The following KAT6B variants were observed in gnomAD, a reference collection of about 807,000 sequenced individuals.
KAT6B encodes the protein histone acetyltransferase KAT6B.
Under a neutral mutation model 187.5 loss-of-function variants are expected in KAT6B, and 10 were observed. The observed-to-expected ratio is 0.05, with a 90% CI of 0.03 to 0.09. The LOEUF is 0.09. Ranked by LOEUF, KAT6B falls within the 10% of genes least tolerant of loss-of-function variation. KAT6B has a pLI of 1.00. For missense variants in KAT6B, 1,952 were observed against 2,558.9 expected (o/e 0.76, Z 5.12); for synonymous variants, 861 against 926.8 (o/e 0.93, Z 1.29).
intron 3 of KAT6B, among the ~76,000 whole-genome samples, chr10:74,882,158 C>G (rs1003129355): frequency 2.6e-5 from 4 of 152,186 alleles, no homozygotes; most frequent in Non-Finnish European, 4.4e-5. Context: ...AAAGCTCTGC[C>G]CCTTCTTCAA....
At chr10:74,857,164 A>G (rs1379704053) in intron 3 of KAT6B, among the ~76,000 whole-genome samples, 1 of 152,222 alleles carries the variant, frequency 6.6e-6, no homozygotes, top group East Asian at 1.9e-4. Flanking sequence ...TGCTGCTGTA[A>G]CAAATTACAG....
chr10:74,992,394 A>C (rs1001767240), intron 13 of KAT6B, among the ~76,000 whole-genome samples: 4 of 152,204 alleles, frequency 2.6e-5, no homozygotes, highest in Non-Finnish European at 4.4e-5. Flanking sequence ...TAATACACCT[A>C]ATCTACCAAC....
chr10:75,006,211 A>G (rs1287561176), intron 13 of KAT6B, among the ~76,000 whole-genome samples: 2 of 152,128 alleles, frequency 1.3e-5, no homozygotes, highest in African/African-American at 2.4e-5. Context: ...GGTTCTGACC[A>G]GACAATAAAT....
intron 3 of KAT6B, among the ~76,000 whole-genome samples, chr10:74,952,846 A>ATTTTTTTTTTTTTTTTTTTTTTTT: frequency 1.1e-5 from 1 of 90,520 alleles, no homozygotes; most frequent in Non-Finnish European, 2.1e-5. Context: ...TGCCTGGCTA[A>ATTTTTTTTTTTTTTTTTTTTTTTT]TTTTTTTTTT....
At chr10:74,877,400 A>T (rs1306276193) in intron 3 of KAT6B, among the ~76,000 whole-genome samples, 4 of 152,200 alleles carry the variant, frequency 2.6e-5, no homozygotes, top group Non-Finnish European at 5.9e-5. Context: ...CTTTTTTTCA[A>T]GGCTTTACTG....
At chr10:74,840,361 G>T (rs1163930924) in intron 2 of KAT6B, among the ~76,000 whole-genome samples, 2 of 152,192 alleles carry the variant, frequency 1.3e-5, no homozygotes, top group Non-Finnish European at 2.9e-5. Context: ...ATGGGGTTTT[G>T]TCGTTAGTGG....
chr10:74,870,664 C>T (rs561700608), intron 3 of KAT6B, among the ~76,000 whole-genome samples: 11 of 152,156 alleles, frequency 7.2e-5, no homozygotes, highest in South Asian at 4.1e-4. Flanking sequence ...TTGCAGCCTC[C>T]GCCTCCTGGG....
At chr10:74,900,750 C>G (rs1372493041) in intron 3 of KAT6B, among the ~76,000 whole-genome samples, 1 of 152,184 alleles carries the variant, frequency 6.6e-6, no homozygotes, top group African/African-American at 2.4e-5. Context: ...GCAGTCCCAG[C>G]CAATAGCTAT....
chr10:75,007,632 C>T (rs1844308903), intron 13 of KAT6B, among the ~76,000 whole-genome samples: 1 of 152,112 alleles, frequency 6.6e-6, no homozygotes, highest in African/African-American at 2.4e-5. Context: ...CGGCAAACTT[C>T]TATTTCTTGA....
rs370398832 is a variant in KAT6B, at chr10:74,969,765, G to A, written c.836G>A (p.Gly279Asp). 1.2e-5 allele frequency: 19 copies of A among 1,609,494 alleles called. No homozygotes were observed. The highest frequency in any genetic ancestry group is 1.7e-5 in the Admixed American group (1 of 59,996). ...CKTCSACRVQ[G>D]RNADNMLFCD... The stretch of plus-strand genomic sequence containing the variant: ...ACATGCAGTGCCTGTAGAGTCCAAG[G>A]CAGAAATGCTGTAAGTATGGCTCCC... The change falls in exon 5 of 18, where the codon GGC (glycine) becomes GAC (aspartate). Residue 279 changes from glycine to aspartate, a missense_variant. Coordinates refer to ENST00000287239, the MANE Select transcript of KAT6B (RefSeq NM_012330.4).
Position 75,030,266 on chromosome 10 carries a change from C to A in KAT6B, c.5442C>A (p.Thr1814=), listed in dbSNP as rs763445379. Residue 1814 remains threonine, a synonymous_variant, in exon 18 of 18, where the codon ACC becomes ACA. Coordinates refer to ENST00000287239, the MANE Select transcript of KAT6B (RefSeq NM_012330.4). The surrounding 1 kb of genome is among the most constrained non-coding windows in gnomAD (Gnocchi z 4.8). ...GGCATTACCCGCAGCCGTCAGCCAC[C>A]TTCAGCCTTGCCAAACTGCAGCAGT... ...GAGHYPQPSA[T]FSLAKLQQLT... is the part of the protein sequence containing the mutation. 3 of 1,614,134 alleles carry A rather than the reference C, an allele frequency of 1.9e-6. No individual in the cohort carries two copies. The South Asian group carries it at 3.3e-5, about 18-fold the overall frequency.
At chr10:74,969,966 G>T in intron 5 of KAT6B, 54 bp from the exon 6 acceptor site, 1 of 1,303,118 alleles carries the variant, frequency 7.7e-7, no homozygotes, top group Non-Finnish European at 1.1e-6. Flanking sequence ...AAGAATTTTT[G>T]GCCTTTTACA....
intron 3 of KAT6B, among the ~76,000 whole-genome samples, chr10:74,942,081 C>T (rs543247426): frequency 2.0e-5 from 3 of 152,172 alleles, no homozygotes; most frequent in African/African-American, 4.8e-5. Context: ...ACCTGGGAGG[C>T]GGAGGTTGCA....
chr10:74,884,593 G>A (rs996452300), intron 3 of KAT6B, among the ~76,000 whole-genome samples: 1 of 152,066 alleles, frequency 6.6e-6, no homozygotes. Context: ...TTTGGAGACG[G>A]AGTTTCACTC....
At chr10:74,859,501 T>C (rs964389391) in intron 3 of KAT6B, among the ~76,000 whole-genome samples, 13 of 152,250 alleles carry the variant, frequency 8.5e-5, no homozygotes, top group Non-Finnish European at 1.9e-4. Context: ...TATATTCTTT[T>C]AGTTTTTAGT....
chr10:74,949,968 A>G (rs1439777223), intron 3 of KAT6B, among the ~76,000 whole-genome samples: 2 of 152,234 alleles, frequency 1.3e-5, no homozygotes, highest in Non-Finnish European at 2.9e-5. Flanking sequence ...TACATTAACA[A>G]TAATAAATCC....
chr10:74,931,372 G>T (rs1848862478), intron 3 of KAT6B, among the ~76,000 whole-genome samples: 1 of 148,350 alleles, frequency 6.7e-6, no homozygotes, highest in Non-Finnish European at 1.5e-5. Context: ...TGAAATCTCT[G>T]TCAGTCTCCG....
At chr10:74,840,560 C>T (rs76285218) in intron 2 of KAT6B, among the ~76,000 whole-genome samples, 1 of 152,110 alleles carries the variant, frequency 6.6e-6, no homozygotes, top group African/African-American at 2.4e-5. Flanking sequence ...GTGGGGTGAG[C>T]TGCCTCAAAA....
intron 3 of KAT6B, among the ~76,000 whole-genome samples, chr10:74,844,125 C>T (rs555801505): frequency 1.2e-4 from 18 of 152,308 alleles, no homozygotes; most frequent in African/African-American, 4.1e-4. Context: ...GCGCCCGCCT[C>T]GGCCTCCCAA....
Sources: gnomAD v4.1 joint callset for allele counts (sites outside exome capture counted in the v4.1 genomes callset) on GRCh38, gnomAD v4.1.1 for gene constraint, Gnocchi (gnomAD v3.1) non-coding constraint, MANE v1.5 for transcripts, NCBI Gene and HGNC (gene_info 2026-07-23, HGNC 2026-07-21) for gene names.